PACRG: variants seen among roughly 807,000 people sequenced by gnomAD.
PACRG encodes parkin coregulated gene protein.
In PACRG, 29 loss-of-function variants were observed where a neutral mutation model predicts 29.7. That is an observed-to-expected ratio of 0.98 (90% confidence interval 0.73 to 1.33). The LOEUF is 1.33. Among genes scored for constraint, PACRG ranks in the 40% most tolerant of loss-of-function variants. PACRG has a pLI of 0.00. For missense variants in PACRG, 279 were observed against 316.2 expected (o/e 0.88, Z 0.89); for synonymous variants, 116 against 118.7 (o/e 0.98, Z 0.15).
intron 4 of PACRG, among the ~76,000 whole-genome samples, chr6:163,195,645 G>A (rs1022610): frequency 6.6e-6 from 1 of 152,180 alleles, no homozygotes; most frequent in South Asian, 2.1e-4. Context: ...GGCTCCCTGC[G>A]CCTCGGCGGC....
At chr6:162,883,154 GT>G (rs529837286) in intron 2 of PACRG, among the ~76,000 whole-genome samples, 1,827 of 145,894 alleles carry the variant, frequency 0.013, 27 homozygotes, top group African/African-American at 0.036. Flanking sequence ...TCACTACCAG[GT>G]TTTTTTTTTT....
chr6:163,008,514 C>T (rs1805330880), intron 2 of PACRG, among the ~76,000 whole-genome samples: 2 of 151,550 alleles, frequency 1.3e-5, no homozygotes, highest in Non-Finnish European at 2.9e-5. Flanking sequence ...CCCTTCCTTT[C>T]TCCAATTTGA....
At chr6:162,830,455 C>T (rs963341647) in intron 2 of PACRG, among the ~76,000 whole-genome samples, 2 of 152,252 alleles carry the variant, frequency 1.3e-5, no homozygotes, top group African/African-American at 2.4e-5. Context: ...CAACTCTTGG[C>T]CAACTTCCCC....
chr6:163,139,065 A>ATG (rs1562935471), intron 4 of PACRG, among the ~76,000 whole-genome samples: 1 of 152,094 alleles, frequency 6.6e-6, no homozygotes, highest in African/African-American at 2.4e-5. Context: ...GGTGGCTTGC[A>ATG]GAATGTGTTC....
chr6:163,001,252 CAGG>C (rs1389869890), intron 2 of PACRG, among the ~76,000 whole-genome samples: 2 of 152,178 alleles, frequency 1.3e-5, no homozygotes, highest in East Asian at 1.9e-4. Context: ...AATGGGTCTC[CAGG>C]AGGAGAATAG....
intron 2 of PACRG, among the ~76,000 whole-genome samples, chr6:162,829,616 C>A (rs1034262896): frequency 6.6e-6 from 1 of 152,036 alleles, no homozygotes; most frequent in Non-Finnish European, 1.5e-5. Context: ...ATGGTGGGAC[C>A]GTAAGATTAT....
chr6:162,986,936 C>A (rs766168259), intron 2 of PACRG, among the ~76,000 whole-genome samples: 11 of 149,670 alleles, frequency 7.3e-5, no homozygotes, highest in South Asian at 4.2e-4. Flanking sequence ...TATTTTTTTT[C>A]AATTTTTTAA....
At chr6:163,039,036 T>C (rs1808455268) in intron 2 of PACRG, among the ~76,000 whole-genome samples, 1 of 152,218 alleles carries the variant, frequency 6.6e-6, no homozygotes, top group Admixed American at 6.5e-5. Flanking sequence ...CAAACTGTTA[T>C]CCCTGTGTGT....
intron 2 of PACRG, among the ~76,000 whole-genome samples, chr6:163,023,696 G>A (rs1029576441): frequency 6.6e-6 from 1 of 152,224 alleles, no homozygotes; most frequent in African/African-American, 2.4e-5. Context: ...CCCACCAACA[G>A]TGTATAAGTG....
intron 2 of PACRG, among the ~76,000 whole-genome samples, chr6:162,889,124 C>T (rs1794578291): frequency 6.6e-6 from 1 of 152,032 alleles, no homozygotes; most frequent in Non-Finnish European, 1.5e-5. Flanking sequence ...TTCATCTTAC[C>T]CAGTAAGCCA....
chr6:163,105,978 A>C (rs887843508), intron 4 of PACRG, among the ~76,000 whole-genome samples: 2 of 152,018 alleles, frequency 1.3e-5, no homozygotes, highest in Non-Finnish European at 2.9e-5. Flanking sequence ...AATTTGTTTC[A>C]AGTTCTTTTG....
chr6:163,194,787 A>G (rs1780370748), intron 4 of PACRG, among the ~76,000 whole-genome samples: 3 of 152,094 alleles, frequency 2.0e-5, no homozygotes, highest in Admixed American at 1.3e-4. Context: ...GGGCCACAGG[A>G]ATGGGGCTGC....
intron 2 of PACRG, among the ~76,000 whole-genome samples, chr6:162,949,555 A>G (rs1799496173): frequency 6.6e-6 from 1 of 152,220 alleles, no homozygotes; most frequent in African/African-American, 2.4e-5. Flanking sequence ...GGTGCTAGAT[A>G]CTATAAATAC....
At chr6:162,958,866 TATATATATATATATATATAG>T (rs1445674065) in intron 2 of PACRG, among the ~76,000 whole-genome samples, 4 of 71,480 alleles carry the variant, frequency 5.6e-5, no homozygotes, top group African/African-American at 1.2e-4. Flanking sequence ...TATATATATA[TATATATATATATATATATAG>T]AGAGAGAGAG....
intron 1 of PACRG, among the ~76,000 whole-genome samples, chr6:162,728,769 A>G (rs1045321897): frequency 6.6e-6 from 1 of 152,246 alleles, no homozygotes; most frequent in Non-Finnish European, 1.5e-5. Flanking sequence ...AAACTCTTGC[A>G]AAATTTAACA....
intron 4 of PACRG, among the ~76,000 whole-genome samples, chr6:163,139,069 T>C (rs1475577140): frequency 1.3e-5 from 2 of 152,232 alleles, no homozygotes; most frequent in Non-Finnish European, 2.9e-5. Context: ...GCTTGCAGAA[T>C]GTGTTCTCTC....
intron 3 of PACRG, among the ~76,000 whole-genome samples, chr6:163,088,282 A>G (rs1236384234): frequency 6.6e-6 from 1 of 152,204 alleles, no homozygotes; most frequent in Non-Finnish European, 1.5e-5. Flanking sequence ...AAGGTAGAAC[A>G]TCTTACAAAT....
intron 2 of PACRG, among the ~76,000 whole-genome samples, chr6:162,882,642 G>A (rs917088528): frequency 6.6e-6 from 1 of 152,084 alleles, no homozygotes; most frequent in Non-Finnish European, 1.5e-5. Context: ...AGGCAAGCTG[G>A]GTTCTGATGA....
intron 2 of PACRG, among the ~76,000 whole-genome samples, chr6:162,933,687 T>C (rs1798029673): frequency 6.6e-6 from 1 of 150,834 alleles, no homozygotes; most frequent in Non-Finnish European, 1.5e-5. Flanking sequence ...TTTCCATTTG[T>C]GTGGAATATT....
Sources: allele counts gnomAD v4.1 joint callset (sites outside exome capture counted in the v4.1 genomes callset), GRCh38; gene constraint gnomAD v4.1.1; transcripts MANE v1.5; gene names NCBI Gene and HGNC (gene_info 2026-07-23, HGNC 2026-07-21).